The following METAP1D variants were observed in gnomAD, a reference collection of about 807,000 sequenced individuals.
METAP1D encodes methionine aminopeptidase 1D, mitochondrial.
METAP1D carries 31 observed loss-of-function variants against 40.5 expected under a neutral mutation model. The observed-to-expected ratio is 0.77, with a 90% CI of 0.58 to 1.03. METAP1D has a LOEUF of 1.03. Among genes scored for constraint, METAP1D ranks in the 50% least tolerant of loss-of-function variants. The pLI is 0.00. For missense variants in METAP1D, 411 were observed against 420.7 expected (o/e 0.98, Z 0.20); for synonymous variants, 151 against 146.4 (o/e 1.03, Z -0.22).
intron 1 of METAP1D, among the ~76,000 whole-genome samples, chr2:172,058,152 C>T (rs752934893): frequency 2.0e-5 from 3 of 152,298 alleles, no homozygotes; most frequent in Non-Finnish European, 4.4e-5. Flanking sequence ...ATGGCCCAAG[C>T]CACCACATCT....
chr2:172,058,460 G>A (rs1690049766), intron 1 of METAP1D, among the ~76,000 whole-genome samples: 1 of 152,058 alleles, frequency 6.6e-6, no homozygotes, highest in Non-Finnish European at 1.5e-5. Context: ...TATATCAGTT[G>A]ACAATACTAG....
At chr2:172,060,431 A>G (rs980316279) in intron 1 of METAP1D, among the ~76,000 whole-genome samples, 3 of 151,832 alleles carry the variant, frequency 2.0e-5, no homozygotes, top group Admixed American at 6.6e-5. Context: ...AAAAAAAAAA[A>G]AAAAAAGTCT....
intron 5 of METAP1D, 48 bp from the exon 6 acceptor site, chr2:172,070,859 G>A (rs906754274): frequency 2.7e-6 from 4 of 1,493,530 alleles, no homozygotes; most frequent in African/African-American, 2.8e-5. Flanking sequence ...CTTTAGGAAA[G>A]TAGATTTTTA....
At chr2:172,026,724 T>G (rs1287993773) in intron 1 of METAP1D, among the ~76,000 whole-genome samples, 2 of 152,174 alleles carry the variant, frequency 1.3e-5, no homozygotes, top group African/African-American at 2.4e-5. Flanking sequence ...TTTCTATTTC[T>G]GAGACATGTT....
At position 172,079,160 on chromosome 2, in the gene METAP1D, T is replaced by C. The variant is rs914238268; in HGVS notation, c.803-55T>C. ...GGGCCTGACCCCTGTAATCTGTTTT[T>C]TTTTTCTGTCCTCCCCATTTCCTAT... On this transcript the variant is annotated intron_variant, in intron 7 of 9. Transcript: ENST00000315796. 7 of 1,588,700 alleles carry C rather than the reference T, an allele frequency of 4.4e-6. No individual in the cohort carries two copies. In the Admixed American group the frequency reaches 5.0e-5, roughly 11 times the overall value.
At chr2:172,007,160 A>G (rs1008453353) in intron 1 of METAP1D, among the ~76,000 whole-genome samples, 11 of 117,078 alleles carry the variant, frequency 9.4e-5, no homozygotes, top group African/African-American at 2.9e-4. Context: ...TTCCCATGTC[A>G]TGTAATTTTT....
chr2:172,080,598 C>T lies in METAP1D; in HGVS notation c.*192C>T. On this transcript the variant is annotated 3_prime_UTR_variant, in exon 10 of 10. Coordinates refer to ENST00000315796, the MANE Select transcript of METAP1D (RefSeq NM_199227.3). Reference sequence around the variant, plus strand: ...CTCGGATCTGAAGCCCTGCTGGGGTCGCGCGGCTTTGGAAAAACAAATCCT... The same window carrying T: ...CTCGGATCTGAAGCCCTGCTGGGGTTGCGCGGCTTTGGAAAAACAAATCCT... 2 of 637,548 alleles carry T rather than the reference C, an allele frequency of 3.1e-6. No individual in the cohort carries two copies. Among genetic ancestry groups the T allele is most frequent in the Non-Finnish European group, 5.4e-6 (2 of 369,022 alleles). The allele number at this position is 637,548 out of a possible 1,614,324, so 39.5% of individuals were successfully genotyped here. A position where few individuals can be genotyped will look rare whatever the true frequency, so the allele number is the denominator to read the frequency against.
intron 1 of METAP1D, among the ~76,000 whole-genome samples, chr2:172,020,022 C>T (rs1335225336): frequency 6.6e-6 from 1 of 152,204 alleles, no homozygotes; most frequent in Non-Finnish European, 1.5e-5. Flanking sequence ...AGACAAGAGT[C>T]TTGCTCTGTC....
intron 1 of METAP1D, among the ~76,000 whole-genome samples, chr2:172,015,122 T>C (rs1452985964): frequency 2.0e-5 from 3 of 152,244 alleles, no homozygotes; most frequent in Non-Finnish European, 4.4e-5. Context: ...ACTTATTTAC[T>C]TAATTCCACT....
At chr2:172,058,644 T>C (rs1391137143) in intron 1 of METAP1D, among the ~76,000 whole-genome samples, 1 of 152,196 alleles carries the variant, frequency 6.6e-6, no homozygotes, top group African/African-American at 2.4e-5. Context: ...CCCTCCAAAG[T>C]AGCTGGGACT....
chr2:172,001,467 G>T (rs1688460732), intron 1 of METAP1D, among the ~76,000 whole-genome samples: 1 of 152,084 alleles, frequency 6.6e-6, no homozygotes, highest in East Asian at 1.9e-4. Flanking sequence ...TAACCCAGGA[G>T]GTGGAGGTTG....
chr2:172,019,100 C>G (rs1251001435), intron 1 of METAP1D, among the ~76,000 whole-genome samples: 1 of 152,096 alleles, frequency 6.6e-6, no homozygotes, highest in Non-Finnish European at 1.5e-5. Flanking sequence ...ACCTGTAATC[C>G]CAGCACTCTG....
chr2:172,064,606 TG>T (rs1389912308), intron 3 of METAP1D, among the ~76,000 whole-genome samples: 1 of 143,138 alleles, frequency 7.0e-6, no homozygotes, highest in African/African-American at 2.6e-5. Flanking sequence ...GGCAACAGAG[TG>T]AGACTCCATC....
intron 1 of METAP1D, among the ~76,000 whole-genome samples, chr2:172,059,851 C>T (rs1690093924): frequency 6.6e-6 from 1 of 152,070 alleles, no homozygotes; most frequent in Admixed American, 6.6e-5. Flanking sequence ...GAGATTGAGA[C>T]CAGCATGGCC....
intron 1 of METAP1D, among the ~76,000 whole-genome samples, chr2:172,060,008 G>A (rs1411742513): frequency 6.6e-6 from 1 of 151,960 alleles, no homozygotes; most frequent in Non-Finnish European, 1.5e-5. Flanking sequence ...CCAAGATCGC[G>A]CCACTGTACT....
rs755507427 is a variant in METAP1D, at chr2:172,080,400, G to C, written c.1002G>C (p.Glu334Asp). The change falls in exon 10 of 10, where the codon GAG becomes GAC. Residue 334 changes from glutamate to aspartate, a missense_variant. Glu to Asp is a conservative substitution (Grantham distance 45, BLOSUM62 2). Transcript: ENST00000315796. ...AGATCCTGACCAAACTACCCCATGAGGCCTGAGGAGCCGCCCGAAGGTCGC... is the reference window on the plus strand; with the variant it reads ...AGATCCTGACCAAACTACCCCATGACGCCTGAGGAGCCGCCCGAAGGTCGC... ...GAQILTKLPH[E>D]A 1.9e-6 allele frequency: 3 copies of C among 1,613,894 alleles called. No homozygotes were observed. The highest frequency in any genetic ancestry group is 2.5e-6 in the Non-Finnish European group (3 of 1,179,906).
At chr2:172,050,452 C>T (rs1372630952) in intron 1 of METAP1D, among the ~76,000 whole-genome samples, 1 of 151,784 alleles carries the variant, frequency 6.6e-6, no homozygotes, top group African/African-American at 2.4e-5. Context: ...TTAAAAAACT[C>T]ATGATGTTTT....
At chr2:172,044,561 C>T (rs1283981922) in intron 1 of METAP1D, among the ~76,000 whole-genome samples, 1 of 131,528 alleles carries the variant, frequency 7.6e-6, no homozygotes, top group African/African-American at 2.6e-5. Context: ...TGCCACTGCA[C>T]TCCAGCTTGG....
chr2:172,035,065 A>G lies in METAP1D; in HGVS notation c.41-26433A>G, dbSNP rs1335136802. ...CTAACTCCCAGCATTTTATTGTGAA[A>G]TATGTAGAGAGAAACGTGTAAAAGA... On this transcript the variant is annotated intron_variant, in intron 1 of 9. Coordinates refer to ENST00000315796, the MANE Select transcript of METAP1D (RefSeq NM_199227.3). Among the ~76,000 whole-genome samples the G allele has an allele frequency of 5.3e-5, 8 of 151,628 alleles. No individual in the cohort carries two copies. The East Asian group carries it at 7.8e-4, about 15-fold the overall frequency.
Sources: allele counts gnomAD v4.1 joint callset (sites outside exome capture counted in the v4.1 genomes callset), GRCh38; gene constraint gnomAD v4.1.1; transcripts MANE v1.5; gene names NCBI Gene and HGNC (gene_info 2026-07-23, HGNC 2026-07-21).